Variants in PAN2 observed in about 807,000 individuals in gnomAD.
The protein encoded by PAN2 is PAN2-PAN3 deadenylation complex catalytic subunit PAN2.
Under a neutral mutation model 133.3 loss-of-function variants are expected in PAN2, and 68 were observed. That is an observed-to-expected ratio of 0.51 (90% CI 0.42 to 0.62). The LOEUF (loss-of-function observed/expected upper bound fraction) is 0.62. Among genes scored for constraint, PAN2 ranks in the 20% least tolerant of loss-of-function variants. The pLI, the probability that PAN2 is intolerant of heterozygous loss-of-function variation, is 0.00. For missense variants in PAN2, 1,042 were observed against 1,500.5 expected, an observed-to-expected ratio of 0.69 and a Z score of 5.05; for synonymous variants, 462 against 544.6, an observed-to-expected ratio of 0.85 and a Z score of 2.11.
intron 6 of PAN2, 142 bp downstream of exon 6, chr12:56,327,222 C>T (rs1875222778): frequency 1.1e-6 from 1 of 943,282 alleles, no homozygotes; most frequent in Non-Finnish European, 1.6e-6. Flanking sequence ...TAATCTCTGG[C>T]CAAACCCAAG....
At chr12:56,332,477 CCCA>C (rs1876003499) in intron 2 of PAN2, among the ~76,000 whole-genome samples, 6 of 151,156 alleles carry the variant, frequency 4.0e-5, no homozygotes, top group Admixed American at 4.0e-4. Context: ...TGCCTGTAGT[CCCA>C]GCTACTTGAG....
Position 56,333,226 on chromosome 12 carries a change from T to A in PAN2, c.-114-18A>T. ...ATCCTGGCCTGTAAGGGGAAAGAGG[T>A]AGCTGAGTCAAGGGTAGGCCCAGGT... On this transcript the variant is annotated intron_variant, in intron 1 of 25. Transcript: ENST00000440411. 2 of 938,850 alleles carry A rather than the reference T, an allele frequency of 2.1e-6. No homozygotes were observed. The highest frequency in any genetic ancestry group is 3.2e-6 in the Non-Finnish European group (2 of 624,104). The allele number at this position is 938,850 out of a possible 1,614,324, so 58.2% of individuals were successfully genotyped here.
Position 56,319,220 on chromosome 12 carries a change from A to T in PAN2, c.3271-39T>A. On this transcript the variant is annotated intron_variant, in intron 23 of 25. Transcript: ENST00000440411. This position sits in a 1 kb window ranked among gnomAD's most constrained non-coding sequence, Gnocchi z 5.4. ...AAGAGGGGGAGACTTAAGGTAGGGG[A>T]CCTATAATTCCCCATTCTCTAAAGG... is the stretch of plus-strand genomic sequence containing the variant. The T allele has an allele frequency of 6.2e-7, 1 of 1,613,858 alleles. No homozygotes were observed. The highest frequency in any genetic ancestry group is 1.3e-5 in the African/African-American group (1 of 74,962).
At position 56,333,885 on chromosome 12, in the gene PAN2, T is replaced by A. The variant is rs1024709118; in HGVS notation, c.-138A>T. 6 of 152,114 alleles carry A rather than the reference T, an allele frequency of 3.9e-5. No individual in the cohort carries two copies. The highest frequency in any genetic ancestry group is 1.3e-4 in the Admixed American group (2 of 15,262). 9.4% of individuals were successfully genotyped at this position (152,114 alleles called of 1,614,324 possible). A position where few individuals can be genotyped will look rare whatever the true frequency, so the allele number is the denominator to read the frequency against. ...ACCAAGATTTCTCCATGGCGGATATTTTGGAGCGCGTGGAATTAGAACGAG... is the reference window on the plus strand; with the variant it reads ...ACCAAGATTTCTCCATGGCGGATATATTGGAGCGCGTGGAATTAGAACGAG... On this transcript the variant is annotated 5_prime_UTR_variant, in exon 1 of 26. Transcript: ENST00000440411.
chr12:56,323,765 T>C (rs1442927536), intron 14 of PAN2, 42 bp downstream of exon 14: 2 of 1,507,468 alleles, frequency 1.3e-6, no homozygotes, highest in Non-Finnish European at 1.8e-6. Flanking sequence ...TGAATCTCCA[T>C]GGCAGGACCA....
At chr12:56,332,616 A>G (rs1876034848) in intron 2 of PAN2, 197 bp downstream of exon 2, 1 of 576,754 alleles carries the variant, frequency 1.7e-6, no homozygotes, top group Non-Finnish European at 3.1e-6. Flanking sequence ...AAAAAAAAAA[A>G]AAAGGGATGC....
intron 3 of PAN2, 33 bp from the exon 4 acceptor site, chr12:56,328,391 GC>G (rs1875359212): frequency 6.3e-7 from 1 of 1,595,806 alleles, no homozygotes; most frequent in East Asian, 2.2e-5. Context: ...AGGGGCCCAG[GC>G]CTTACAAGCT....
Position 56,326,830 on chromosome 12 carries a change from G to C in PAN2, c.1049C>G (p.Ser350Cys), listed in dbSNP as rs1457540175. 1 of 1,614,210 alleles carries C rather than the reference G, an allele frequency of 6.2e-7. No individual in the cohort carries two copies. ...ASKQALAFGD[S>C]EGCVHLWTDS... ...AGTCCAGAGGTGCACACAGCCCTCA[G>C]AATCCCCAAAGGCCAGAGCCTGCTT... The change falls in exon 7 of 26, where the codon TCT (serine) becomes TGT (cysteine). Residue 350 changes from serine (S) to cysteine (C), a missense_variant. Around this residue, in one of 3 missense-constraint regions of PAN2, gnomAD observed 908 missense variants for 1,223.5 expected, o/e 0.74. Coordinates refer to ENST00000440411, the MANE Select transcript of PAN2 (RefSeq NM_014871.6).
chr12:56,321,471 T>C (rs1207057850), intron 20 of PAN2, among the ~76,000 whole-genome samples: 5 of 149,232 alleles, frequency 3.4e-5, no homozygotes, highest in Non-Finnish European at 7.4e-5. Context: ...TCAAGTGATC[T>C]GCCCGCCTCA....
chr12:56,322,462 C>CCACG lies in PAN2; in HGVS notation c.2657_2658insCGTG (p.Trp886CysfsTer7). 1.2e-6 allele frequency: 2 copies of CCACG among 1,613,878 alleles called. No individual in the cohort carries two copies. Among genetic ancestry groups the CCACG allele is most frequent in the Non-Finnish European group, 1.7e-6 (2 of 1,179,762 alleles). On this transcript the variant is annotated frameshift_variant, in exon 19 of 26. Transcript: ENST00000440411. LOFTEE classifies it high-confidence loss of function. The stretch of plus-strand genomic sequence containing the variant: ...CAATAAGAAAGTCATTGAACAGATA[C>CCACG]CACTGCTGGTGAGTAACGCCCTATG...
At position 56,317,548 on chromosome 12, in the gene PAN2, T is replaced by C; in HGVS notation, c.*61A>G. The stretch of plus-strand genomic sequence containing the variant: ...GGTATAGCCAACTTAGGAAGCCATC[T>C]CCCAGTTCTGGGGCTATAGAACAGT... On this transcript the variant is annotated 3_prime_UTR_variant, in exon 26 of 26. Coordinates refer to ENST00000440411, the MANE Select transcript of PAN2 (RefSeq NM_014871.6). 2 of 1,481,388 alleles carry C rather than the reference T, an allele frequency of 1.4e-6. No homozygotes were observed. The highest frequency in any genetic ancestry group is 1.9e-6 in the Non-Finnish European group (2 of 1,061,052). The allele number at this position is 1,481,388 out of a possible 1,614,324, so 91.8% of individuals were successfully genotyped here.
intron 20 of PAN2, among the ~76,000 whole-genome samples, chr12:56,320,950 G>A (rs1874437701): frequency 6.6e-6 from 1 of 150,376 alleles, no homozygotes; most frequent in South Asian, 2.1e-4. Flanking sequence ...TGTAGTCCCA[G>A]CTACTCGGGA....
intron 2 of PAN2, among the ~76,000 whole-genome samples, chr12:56,331,700 G>GTTTTTTTTTT (rs67869491): frequency 2.4e-5 from 3 of 125,328 alleles, no homozygotes; most frequent in Non-Finnish European, 1.9e-5. Context: ...GAAGGACAGC[G>GTTTTTTTTTT]TTTTTTTTTT....
rs1307612669 is a variant in PAN2 at position 56,319,119 on chromosome 12, A to C, written c.3333T>G (p.Ile1111Met). 6.2e-7 allele frequency: 1 copy of C among 1,614,180 alleles called. No homozygotes were observed. The highest frequency in any genetic ancestry group is 8.5e-7 in the Non-Finnish European group (1 of 1,180,030). ...AGTACCAAGCAAGGAATCGCAGGGA[A>C]ATCATTCGTTTTCGGGGCATATGGA... ...YLFHMPRKRM[I>M]SLRFLAWYFL... Residue 1111 changes from isoleucine (I) to methionine (M), a missense_variant, in exon 24 of 26, where the codon ATT becomes ATG. This residue lies in a region of PAN2 where 85 missense variants were observed against 116.5 expected (regional missense o/e 0.73). Transcript: ENST00000440411. The surrounding 1 kb of genome is among the most constrained non-coding windows in gnomAD (Gnocchi z 5.4).
At position 56,319,548 on chromosome 12, in the gene PAN2, C is replaced by T; in HGVS notation, c.3091-61G>A. On this transcript the variant is annotated intron_variant, in intron 22 of 25. Transcript: ENST00000440411. The surrounding 1 kb of genome is among the most constrained non-coding windows in gnomAD (Gnocchi z 5.4). Reference sequence around the variant, plus strand: ...AGTGAGATGGAGTCTTCCCCTATCACTCTTCCCTGGGTTCTTGAGCACTGT... The same window carrying T: ...AGTGAGATGGAGTCTTCCCCTATCATTCTTCCCTGGGTTCTTGAGCACTGT... 1 of 1,591,270 alleles carries T rather than the reference C, an allele frequency of 6.3e-7. No homozygotes were observed. The highest frequency in any genetic ancestry group is 1.7e-5 in the Admixed American group (1 of 57,584).
chr12:56,321,341 G>A (rs1456318461), intron 20 of PAN2, among the ~76,000 whole-genome samples: 1 of 149,260 alleles, frequency 6.7e-6, no homozygotes, highest in Non-Finnish European at 1.5e-5. Flanking sequence ...TGATTCTCCT[G>A]CCTCAGCCTC....
chr12:56,326,859 G>A lies in PAN2; in HGVS notation c.1020C>T (p.Ala340=), dbSNP rs1875178960. 1 of 1,614,094 alleles carries A rather than the reference G, an allele frequency of 6.2e-7. No homozygotes were observed. Among genetic ancestry groups the A allele is most frequent in the African/African-American group, 1.3e-5 (1 of 74,946 alleles). Residue 340 remains alanine, a synonymous_variant, in exon 7 of 26, where the codon GCC becomes GCT. Transcript: ENST00000440411. ...CCCCAAAGGCCAGAGCCTGCTTGCT[G>A]GCTGACACATCAAATGTCATTAGCA... The part of the protein sequence containing the change: ...GPLLMTFDVS[A]SKQALAFGDS...
chr12:56,326,651 C>G lies in PAN2; in HGVS notation c.1228G>C (p.Asp410His). 6.2e-7 allele frequency: 1 copy of G among 1,613,770 alleles called. No homozygotes were observed. Among genetic ancestry groups the G allele is most frequent in the Non-Finnish European group, 8.5e-7 (1 of 1,179,784 alleles). The stretch of plus-strand genomic sequence containing the variant: ...GGAGCAGAGTTGGCAGCAGGCCAAT[C>G]AGAGAGAAGTGTGTCAGTGGTGAGT... ...VPLTTDTLLS[D>H]WPAANSAPAP... Residue 410 changes from aspartate to histidine, a missense_variant, in exon 7 of 26, where the codon GAT becomes CAT. By Grantham distance (81) the Asp-to-His change is moderately conservative. Around this residue, in one of 3 missense-constraint regions of PAN2, gnomAD observed 908 missense variants for 1,223.5 expected, o/e 0.74. Transcript: ENST00000440411.
chr12:56,320,920 C>T (rs566340867), intron 20 of PAN2, among the ~76,000 whole-genome samples: 8 of 151,176 alleles, frequency 5.3e-5, no homozygotes, highest in African/African-American at 1.9e-4. Context: ...AAAAATTAGC[C>T]GGACATGGTG....
Sources: allele counts gnomAD v4.1 joint callset (sites outside exome capture counted in the v4.1 genomes callset), GRCh38; gene constraint gnomAD v4.1.1; regional missense constraint gnomAD v4.1.1; non-coding constraint Gnocchi (gnomAD v3.1); transcripts MANE v1.5; gene names NCBI Gene and HGNC (gene_info 2026-07-23, HGNC 2026-07-21).